The following PTPRM variants were observed in gnomAD, a reference collection of about 807,000 sequenced individuals.
The protein encoded by PTPRM is protein tyrosine phosphatase receptor type M, also known as receptor-type tyrosine-protein phosphatase mu.
In PTPRM, 47 loss-of-function variants were observed where a neutral mutation model predicts 186.7. That is an observed-to-expected ratio of 0.25 (90% CI 0.20 to 0.32). The LOEUF (loss-of-function observed/expected upper bound fraction) is 0.32. Among genes scored for constraint, PTPRM ranks in the 10% least tolerant of loss-of-function variants. PTPRM has a pLI of 1.00. For synonymous variants in PTPRM, 668 were observed against 674.9 expected (o/e 0.99, Z 0.16); for missense variants, 1,494 against 1,865.0 (o/e 0.80, Z 3.66).
At chr18:7,924,513 A>T (rs1019329015) in intron 4 of PTPRM, among the ~76,000 whole-genome samples, 1 of 152,162 alleles carries the variant, frequency 6.6e-6, no homozygotes, top group Non-Finnish European at 1.5e-5. Flanking sequence ...AATGATTATA[A>T]AGTTTTTTAT....
intron 3 of PTPRM, among the ~76,000 whole-genome samples, chr18:7,890,534 A>G (rs1006586413): frequency 6.6e-6 from 1 of 152,188 alleles, no homozygotes; most frequent in African/African-American, 2.4e-5. Flanking sequence ...TTTAATGGAA[A>G]TGAAGACATA....
At chr18:8,059,161 G>A (rs1242642202) in intron 7 of PTPRM, among the ~76,000 whole-genome samples, 2 of 151,074 alleles carry the variant, frequency 1.3e-5, no homozygotes, top group Non-Finnish European at 2.9e-5. Flanking sequence ...CCTTGAAGAG[G>A]TCCTTCACAT....
intron 1 of PTPRM, among the ~76,000 whole-genome samples, chr18:7,745,669 G>A (rs892934699): frequency 2.6e-5 from 4 of 152,146 alleles, no homozygotes; most frequent in African/African-American, 9.7e-5. Flanking sequence ...ATCACCATTA[G>A]CCAGGCATAG....
chr18:8,153,478 A>G (rs2093056276), intron 14 of PTPRM, among the ~76,000 whole-genome samples: 1 of 152,214 alleles, frequency 6.6e-6, no homozygotes, highest in South Asian at 2.1e-4. Context: ...TATTTACTAG[A>G]TAATAATCTT....
At chr18:7,701,101 C>T (rs576589227) in intron 1 of PTPRM, among the ~76,000 whole-genome samples, 3 of 149,456 alleles carry the variant, frequency 2.0e-5, no homozygotes, top group African/African-American at 4.9e-5. Flanking sequence ...GTCAAGAGTT[C>T]GAGACCACCC....
intron 20 of PTPRM, among the ~76,000 whole-genome samples, chr18:8,308,204 C>T (rs73396043): frequency 0.017 from 2,524 of 152,238 alleles, 74 homozygotes; most frequent in African/African-American, 0.058. Flanking sequence ...TTCAGAGAGC[C>T]ACACCTACAA....
chr18:7,607,125 T>C (rs1233740063), intron 1 of PTPRM, among the ~76,000 whole-genome samples: 1 of 152,002 alleles, frequency 6.6e-6, no homozygotes, highest in Non-Finnish European at 1.5e-5. Context: ...TAGTACTCAG[T>C]GTATGCCAGG....
chr18:7,822,256 C>G (rs560193973), intron 2 of PTPRM, among the ~76,000 whole-genome samples: 1 of 152,222 alleles, frequency 6.6e-6, no homozygotes, highest in Non-Finnish European at 1.5e-5. Flanking sequence ...ACTATCTCAT[C>G]CACTTCAGAA....
intron 6 of PTPRM, among the ~76,000 whole-genome samples, 170 bp from the exon 7 acceptor site, chr18:7,954,951 A>G (rs1346553728): frequency 6.6e-6 from 1 of 152,240 alleles, no homozygotes; most frequent in African/African-American, 2.4e-5. Flanking sequence ...TTTGAATGCT[A>G]TGAAAATCTT....
intron 4 of PTPRM, among the ~76,000 whole-genome samples, chr18:7,910,265 C>T (rs779499862): frequency 6.6e-6 from 1 of 152,160 alleles, no homozygotes. Context: ...AGACCCACTA[C>T]CCATTAATAG....
intron 2 of PTPRM, among the ~76,000 whole-genome samples, chr18:7,811,385 T>C (rs1167510036): frequency 6.6e-6 from 1 of 151,880 alleles, no homozygotes; most frequent in Admixed American, 6.6e-5. Flanking sequence ...CGAGATGGAG[T>C]CTTCCTCTGC....
intron 1 of PTPRM, among the ~76,000 whole-genome samples, chr18:7,610,562 C>T (rs1237372276): frequency 6.6e-6 from 1 of 152,100 alleles, no homozygotes; most frequent in East Asian, 1.9e-4. Context: ...TTGTTTTGGT[C>T]AACAGTGGAC....
chr18:7,944,741 T>C (rs2052403933), intron 5 of PTPRM, among the ~76,000 whole-genome samples: 1 of 152,204 alleles, frequency 6.6e-6, no homozygotes, highest in Admixed American at 6.5e-5. Context: ...TGCTCTCTCT[T>C]GGCTCCTGAC....
chr18:7,705,317 ATCTATCTATCT>A (rs1568041043), intron 1 of PTPRM, among the ~76,000 whole-genome samples: 5 of 146,944 alleles, frequency 3.4e-5, no homozygotes, highest in Admixed American at 6.8e-5. Context: ...CTATCTATCT[ATCTATCTATCT>A]GTCTATCTAG....
intron 1 of PTPRM, among the ~76,000 whole-genome samples, chr18:7,667,019 T>G (rs1159895189): frequency 6.6e-6 from 1 of 152,220 alleles, no homozygotes; most frequent in Non-Finnish European, 1.5e-5. Flanking sequence ...TAAACAATAC[T>G]AGGGACCAAC....
At position 8,047,705 on chromosome 18, in the gene PTPRM, T is replaced by C. The variant is rs147153165; in HGVS notation, c.1133-21981T>C. Among the ~76,000 whole-genome samples the C allele has an allele frequency of 7.5e-3, 1,137 of 151,932 alleles. 6 individuals carry two copies. Among genetic ancestry groups the C allele is most frequent in the South Asian group, 0.029 (139 of 4,766 alleles). Reference sequence around the variant, plus strand: ...CCAGCCTCCCACCAAGATAGCTGAATGTCAGAACCTAGAGGGAAGAGGGTA... The same window carrying C: ...CCAGCCTCCCACCAAGATAGCTGAACGTCAGAACCTAGAGGGAAGAGGGTA... On this transcript the variant is annotated intron_variant, in intron 7 of 32. Coordinates refer to ENST00000580170, the MANE Select transcript of PTPRM (RefSeq NM_001105244.2).
chr18:7,636,536 A>G (rs1410552083), intron 1 of PTPRM, among the ~76,000 whole-genome samples: 1 of 152,130 alleles, frequency 6.6e-6, no homozygotes, highest in Admixed American at 6.5e-5. Flanking sequence ...ATGGCCCTCC[A>G]TTGGACAAGT....
intron 2 of PTPRM, chr18:7,815,816 A>C (rs1165180035): frequency 6.6e-6 from 1 of 152,240 alleles, no homozygotes; most frequent in Admixed American, 6.5e-5. Flanking sequence ...AATAGATTTA[A>C]TATATGGACA....
chr18:8,114,861 A>C, intron 13 of PTPRM, 34 bp downstream of exon 13: 4 of 1,580,532 alleles, frequency 2.5e-6, no homozygotes, highest in Non-Finnish European at 3.5e-6. Flanking sequence ...CTCCTAATTA[A>C]TGTTCCTTAA....
Sources: gnomAD v4.1 joint callset for allele counts (sites outside exome capture counted in the v4.1 genomes callset) on GRCh38, gnomAD v4.1.1 for gene constraint, MANE v1.5 for transcripts, NCBI Gene and HGNC (gene_info 2026-07-23, HGNC 2026-07-21) for gene names.